Variants in KBTBD4 observed in about 807,000 individuals in gnomAD.
KBTBD4 encodes the protein kelch repeat and BTB domain-containing protein 4.
Under a neutral mutation model 43.9 loss-of-function variants are expected in KBTBD4, and 30 were observed. The ratio of observed to expected loss-of-function variants is 0.68; its 90% CI spans 0.51 to 0.93. The LOEUF is 0.93. Among genes scored for constraint, KBTBD4 ranks in the 40% least tolerant of loss-of-function variants. KBTBD4 has a pLI of 0.00. For synonymous variants in KBTBD4, 258 were observed against 256.9 expected, an observed-to-expected ratio of 1.00 and a Z score of -0.04; for missense variants, 575 against 668.8, an observed-to-expected ratio of 0.86 and a Z score of 1.55.
At chr11:47,575,917 C>T (rs939345011) in intron 2 of KBTBD4, among the ~76,000 whole-genome samples, 12 of 145,748 alleles carry the variant, frequency 8.2e-5, no homozygotes, top group Middle Eastern at 3.8e-3. Flanking sequence ...AGTGCAATGG[C>T]GCAATCACCA....
rs1178043772 is a variant in KBTBD4, at chr11:47,573,217, G to A, written c.1318C>T (p.His440Tyr). 6.2e-7 allele frequency: 1 copy of A among 1,614,178 alleles called. No individual in the cohort carries two copies. The highest frequency in any genetic ancestry group is 8.5e-7 in the Non-Finnish European group (1 of 1,180,036). The stretch of plus-strand genomic sequence containing the variant: ...ACCAGATCTTTATGCACAGCTGCGT[G>A]CATGCGGCCTGCAAAGGGCAGCACA... ...PYVLPFAGRM[H>Y]AAVHKDLVFI... The change falls in exon 4 of 4, where the codon CAC becomes TAC. Residue 440 changes from histidine to tyrosine, a missense_variant. By Grantham distance (83) the His-to-Tyr change is moderately conservative. Coordinates refer to ENST00000430070, the MANE Select transcript of KBTBD4 (RefSeq NM_018095.6). This position sits in a 1 kb window ranked among gnomAD's most constrained non-coding sequence, Gnocchi z 4.1.
In KBTBD4 at chr11:47,572,745, C is replaced by G; in HGVS notation, c.*185G>C. 1 of 634,794 alleles carries G rather than the reference C, an allele frequency of 1.6e-6. No homozygotes were observed. The highest frequency in any genetic ancestry group is 2.7e-6 in the Non-Finnish European group (1 of 372,234). 39.3% of individuals were successfully genotyped at this position (634,794 alleles called of 1,614,324 possible). A position where few individuals can be genotyped will look rare whatever the true frequency, so the allele number is the denominator to read the frequency against. Reference sequence around the variant, plus strand: ...GCTGGCCTACTGTCAGTTCAAGCAACCAGCTGAGCAGCAGCAGTCTAAAAA... The same window carrying G: ...GCTGGCCTACTGTCAGTTCAAGCAAGCAGCTGAGCAGCAGCAGTCTAAAAA... On this transcript the variant is annotated 3_prime_UTR_variant, in exon 4 of 4. Transcript: ENST00000430070.
chr11:47,577,654 G>T lies in KBTBD4; in HGVS notation c.394C>A (p.Gln132Lys). 1 of 1,614,174 alleles carries T rather than the reference G, an allele frequency of 6.2e-7. No homozygotes were observed. Among genetic ancestry groups the T allele is most frequent in the Non-Finnish European group, 8.5e-7 (1 of 1,180,040 alleles). Reference protein sequence around the residue: ...GTVKLRAEELQEIYEVSDMYQ... With the variant: ...GTVKLRAEELKEIYEVSDMYQ... ...ATGTCTGACACCTCATAAATTTCCTGCAACTCCTCAGCTCGAAGTTTCACA... is the reference window on the plus strand; with the variant it reads ...ATGTCTGACACCTCATAAATTTCCTTCAACTCCTCAGCTCGAAGTTTCACA... Residue 132 changes from glutamine to lysine, a missense_variant, in exon 2 of 4, where the codon CAG becomes AAG. Coordinates refer to ENST00000430070, the MANE Select transcript of KBTBD4 (RefSeq NM_018095.6).
intron 1 of KBTBD4, chr11:47,578,543 T>C: frequency 2.9e-6 from 2 of 686,096 alleles, no homozygotes; most frequent in South Asian, 1.5e-5. Flanking sequence ...GGTCTTACAT[T>C]TGCTCTCTTC....
chr11:47,574,498 A>AAAAC (rs1268473086), intron 3 of KBTBD4, among the ~76,000 whole-genome samples: 72 of 151,972 alleles, frequency 4.7e-4, no homozygotes, highest in Middle Eastern at 3.4e-3. Context: ...CTCTGTCTCA[A>AAAAC]AAACAAACAA....
At chr11:47,577,218 G>A (rs1339220601) in intron 2 of KBTBD4, among the ~76,000 whole-genome samples, 193 bp downstream of exon 2, 2 of 152,098 alleles carry the variant, frequency 1.3e-5, no homozygotes, top group East Asian at 1.9e-4. Context: ...TTCCTCTAAC[G>A]CACTGTGTCT....
rs1424422363 is a variant in KBTBD4, at chr11:47,578,010, TTCTC to T, written c.34_37del (p.Glu12SerfsTer21). Reference sequence around the variant, plus strand: ...CTCTGGTGATTCCATGCTAGCCAACTTCTCTCTCTGCCAGCTGTCTGCAAAGCAA... The same window carrying T: ...CTCTGGTGATTCCATGCTAGCCAACTTCTCTGCCAGCTGTCTGCAAAGCAA... On this transcript the variant is annotated frameshift_variant, in exon 2 of 4. Coordinates refer to ENST00000430070, the MANE Select transcript of KBTBD4 (RefSeq NM_018095.6). LOFTEE classifies it high-confidence loss of function. The T allele has an allele frequency of 3.7e-6, 6 of 1,614,094 alleles. No individual in the cohort carries two copies. Among genetic ancestry groups the T allele is most frequent in the South Asian group, 3.3e-5 (3 of 91,094 alleles).
At chr11:47,575,506 C>CCA in intron 3 of KBTBD4, 87 bp downstream of exon 3, 1 of 686,416 alleles carries the variant, frequency 1.5e-6, no homozygotes. Flanking sequence ...GACTCCATCT[C>CCA]AAAAAAAAAA....
intron 2 of KBTBD4, 61 bp downstream of exon 2, chr11:47,577,350 A>T (rs540463153): frequency 6.7e-7 from 1 of 1,494,124 alleles, no homozygotes; most frequent in East Asian, 2.3e-5. Context: ...CCTAAACTAG[A>T]ACATTCACTG....
Position 47,577,456 on chromosome 11 carries a change from C to G in KBTBD4, c.592G>C (p.Glu198Gln), listed in dbSNP as rs1364573888. The G allele has an allele frequency of 6.2e-7, 1 of 1,611,530 alleles. No homozygotes were observed. The highest frequency in any genetic ancestry group is 1.3e-5 in the African/African-American group (1 of 74,958). The change falls in exon 2 of 4, where the codon GAA becomes CAA. Residue 198 changes from glutamate to glutamine, a missense_variant. Coordinates refer to ENST00000430070, the MANE Select transcript of KBTBD4 (RefSeq NM_018095.6). ...THLAQLQNTEEFLHLPHRLLT... is the reference protein window; with the variant it reads ...THLAQLQNTEQFLHLPHRLLT... ...AAGCGGTGGGGCAAGTGGAGAAATT[C>G]CTCTGTATTCTGCAGCTGGGCCAGG...
rs984729681 is a variant in KBTBD4 at position 47,578,865 on chromosome 11, C to G, written c.19+68G>C. 5.8e-6 allele frequency: 9 copies of G among 1,550,870 alleles called. No individual in the cohort carries two copies. In the East Asian group the frequency reaches 1.5e-4, roughly 25 times the overall value. On this transcript the variant is annotated intron_variant, in intron 1 of 3. Transcript: ENST00000430070. ...TCAGCGTCCTCGCCTTCTCTCTAGG[C>G]TCTGCCACAAGGAGCTAGGACCACG... is the stretch of plus-strand genomic sequence containing the variant.
In KBTBD4 at chr11:47,572,686, A is replaced by G. The variant is rs2097251303; in HGVS notation, c.*244T>C. The G allele has an allele frequency of 1.9e-6, 1 of 538,774 alleles. No homozygotes were observed. The highest frequency in any genetic ancestry group is 3.3e-6 in the Non-Finnish European group (1 of 303,356). The allele number at this position is 538,774 out of a possible 1,614,324, so 33.4% of individuals were successfully genotyped here. On this transcript the variant is annotated 3_prime_UTR_variant, in exon 4 of 4. Coordinates refer to ENST00000430070, the MANE Select transcript of KBTBD4 (RefSeq NM_018095.6). ...GGCTTGCTCTAAGCAAGCTGTGGTG[A>G]GGCACAGGATGACTAGGGAATGGCA...
At position 47,577,432 on chromosome 11, in the gene KBTBD4, A is replaced by G. The variant is rs545804466; in HGVS notation, c.616T>C (p.Leu206=). ...TEEFLHLPHR[L]LTDIISDGVP... is the part of the protein sequence containing the mutation. ...TTACCCGAGATGATATCTGTGAGTA[A>G]GCGGTGGGGCAAGTGGAGAAATTCC... The change falls in exon 2 of 4, where the codon TTA becomes CTA. Residue 206 remains leucine (L), a synonymous_variant. Coordinates refer to ENST00000430070, the MANE Select transcript of KBTBD4 (RefSeq NM_018095.6). 3.1e-6 allele frequency: 5 copies of G among 1,606,940 alleles called. 1 individual carries two copies. The highest frequency in any genetic ancestry group is 2.7e-5 in the African/African-American group (2 of 74,880).
At chr11:47,578,301 T>A (rs955832064) in intron 1 of KBTBD4, 4 of 583,630 alleles carry the variant, frequency 6.9e-6, no homozygotes, top group South Asian at 4.4e-5. Flanking sequence ...CTTTCCATAA[T>A]GTTAACAAAA....
intron 1 of KBTBD4, chr11:47,578,619 G>T: frequency 1.4e-6 from 1 of 735,828 alleles, no homozygotes; most frequent in Non-Finnish European, 2.4e-6. Flanking sequence ...CCCAGAACTT[G>T]AGTCCATCCG....
chr11:47,577,804 G>A lies in KBTBD4; in HGVS notation c.244C>T (p.Gln82Ter). Residue 82 changes from glutamine to a stop codon, truncating the protein, a stop_gained, in exon 2 of 4, where the codon CAG becomes TAG. Coordinates refer to ENST00000430070, the MANE Select transcript of KBTBD4 (RefSeq NM_018095.6). LOFTEE classifies it high-confidence loss of function. Reference sequence around the variant, plus strand: ...AACATGGATCGGAAGAAGCAGCTCTGAGCTGAGAGGACCAGCCGATGGAGC... The same window carrying A: ...AACATGGATCGGAAGAAGCAGCTCTAAGCTGAGAGGACCAGCCGATGGAGC... ...FQLHRLVLSA[Q>*]SCFFRSMFTS... is the part of the protein sequence containing the mutation. 6.2e-7 allele frequency: 1 copy of A among 1,614,176 alleles called. No homozygotes were observed. Among genetic ancestry groups the A allele is most frequent in the Non-Finnish European group, 8.5e-7 (1 of 1,180,048 alleles).
In KBTBD4 at chr11:47,573,912, A is replaced by G; in HGVS notation, c.745-122T>C. 2 of 889,660 alleles carry G rather than the reference A, an allele frequency of 2.2e-6. No individual in the cohort carries two copies. Among genetic ancestry groups the G allele is most frequent in the Non-Finnish European group, 3.4e-6 (2 of 586,370 alleles). The allele number at this position is 889,660 out of a possible 1,614,324, so 55.1% of individuals were successfully genotyped here. ...CCTAGCTTTATCATACTACTCTCTAATTACTGTATGGCATCCAACTCTCCT... is the reference window on the plus strand; with the variant it reads ...CCTAGCTTTATCATACTACTCTCTAGTTACTGTATGGCATCCAACTCTCCT... On this transcript the variant is annotated intron_variant, in intron 3 of 3. Transcript: ENST00000430070. This position sits in a 1 kb window ranked among gnomAD's most constrained non-coding sequence, Gnocchi z 4.1.
At chr11:47,574,674 G>A (rs2153793680) in intron 3 of KBTBD4, among the ~76,000 whole-genome samples, 1 of 152,020 alleles carries the variant, frequency 6.6e-6, no homozygotes, top group Admixed American at 6.6e-5. Context: ...GGCCAACATG[G>A]TGAAACCCAT....
intron 1 of KBTBD4, chr11:47,578,642 G>A (rs529526662): frequency 2.5e-6 from 2 of 790,260 alleles, no homozygotes; most frequent in South Asian, 1.5e-5. Context: ...CCCAGGCCGG[G>A]GCACTGGGAG....
Sources: allele counts gnomAD v4.1 joint callset (sites outside exome capture counted in the v4.1 genomes callset), GRCh38; gene constraint gnomAD v4.1.1; non-coding constraint Gnocchi (gnomAD v3.1); transcripts MANE v1.5; gene names NCBI Gene and HGNC (gene_info 2026-07-23, HGNC 2026-07-21).